Variants in RTL4 observed in about 807,000 individuals in gnomAD.
RTL4 encodes retrotransposon Gag-like protein 4.
In RTL4, 4 loss-of-function variants were observed where a neutral mutation model predicts 5.3. The observed-to-expected ratio is 0.75, with a 90% CI of 0.37 to 1.72. RTL4 has a LOEUF of 1.72. Among genes scored for constraint, RTL4 ranks in the 40% most tolerant of loss-of-function variants. The pLI is 0.04. For synonymous variants in RTL4, 98 were observed against 87.3 expected (o/e 1.12, Z -0.68); for missense variants, 260 against 227.1 (o/e 1.14, Z -0.93).
At chrX:112,390,145 ATATATATATATATATT>A in the RTL4 span, among the ~76,000 whole-genome samples, 4 of 45,938 alleles carry the variant, frequency 8.7e-5, no homozygotes, top group Admixed American at 2.8e-4. Flanking sequence ...ATATATATAT[ATATATATATATATATT>A]TAGGATCGTG....
chrX:112,421,649 C>CAA, the RTL4 span, among the ~76,000 whole-genome samples: 1 of 112,015 alleles, frequency 8.9e-6, no homozygotes, highest in African/African-American at 3.2e-5. Flanking sequence ...ACCTAACTAG[C>CAA]CTCCACAGTG....
At chrX:112,386,479 A>G in the RTL4 span, among the ~76,000 whole-genome samples, 1 of 110,317 alleles carries the variant, frequency 9.1e-6, no homozygotes, top group African/African-American at 3.3e-5. Flanking sequence ...ACTGAACCCA[A>G]TTTGTAGTCT....
chrX:112,445,989 GA>G, the RTL4 span, among the ~76,000 whole-genome samples: 1 of 111,611 alleles, frequency 9.0e-6, no homozygotes, highest in South Asian at 3.8e-4. Flanking sequence ...GTCAGACAAT[GA>G]AAAGGAAGAG....
the RTL4 span, among the ~76,000 whole-genome samples, chrX:112,380,123 T>C: frequency 9.2e-6 from 1 of 108,419 alleles, no homozygotes; most frequent in African/African-American, 3.4e-5. Context: ...AATAATGGAT[T>C]TGAGATTCAT....
chrX:112,208,497 T>C, the RTL4 span, among the ~76,000 whole-genome samples: 4 of 112,103 alleles, frequency 3.6e-5, no homozygotes, highest in Non-Finnish European at 7.5e-5. Context: ...GCTAAGATTG[T>C]TTCCAGGAAC....
chrX:112,113,756 G>A, the RTL4 span, among the ~76,000 whole-genome samples: 1 of 111,672 alleles, frequency 9.0e-6, no homozygotes, highest in Admixed American at 9.5e-5. Context: ...GTTTCTTGTT[G>A]GACAATCTTT....
the RTL4 span, among the ~76,000 whole-genome samples, chrX:112,406,517 T>C: frequency 6.8e-4 from 76 of 111,034 alleles, no homozygotes; most frequent in Middle Eastern, 4.7e-3. Flanking sequence ...AAACCATTCA[T>C]GAGAAACCAC....
At chrX:112,352,342 T>C in the RTL4 span, among the ~76,000 whole-genome samples, 1 of 110,342 alleles carries the variant, frequency 9.1e-6, no homozygotes, top group Non-Finnish European at 1.9e-5. Context: ...TTAATGTTCA[T>C]ATGGAACCAA....
chrX:112,277,356 G>T, the RTL4 span, among the ~76,000 whole-genome samples: 5 of 111,652 alleles, frequency 4.5e-5, no homozygotes, highest in African/African-American at 6.5e-5. Flanking sequence ...ATTGACCTTG[G>T]AGAGTTCATC....
the RTL4 span, among the ~76,000 whole-genome samples, chrX:112,221,299 A>G: frequency 3.6e-5 from 4 of 111,637 alleles, no homozygotes; most frequent in South Asian, 3.8e-4. Flanking sequence ...ACATGATCCA[A>G]TCATCTCTCA....
the RTL4 span, among the ~76,000 whole-genome samples, chrX:112,291,032 C>T: frequency 9.0e-6 from 1 of 111,352 alleles, no homozygotes; most frequent in Non-Finnish European, 1.9e-5. Context: ...TAGCGGATGG[C>T]AGGAGTTTGT....
the RTL4 span, among the ~76,000 whole-genome samples, chrX:112,239,694 C>A: frequency 9.0e-6 from 1 of 111,660 alleles, no homozygotes; most frequent in Non-Finnish European, 1.9e-5. Context: ...TCAGTAGGAA[C>A]AGAAAAGGAG....
At chrX:112,275,355 C>T in the RTL4 span, among the ~76,000 whole-genome samples, 1 of 111,019 alleles carries the variant, frequency 9.0e-6, no homozygotes, top group African/African-American at 3.3e-5. Flanking sequence ...GTTAGATTAG[C>T]TTTGGACTAG....
chrX:112,113,309 G>T, the RTL4 span, among the ~76,000 whole-genome samples: 6 of 110,958 alleles, frequency 5.4e-5, no homozygotes, highest in Admixed American at 4.8e-4. Context: ...CATTCATGTA[G>T]ATAATAGCTC....
At chrX:112,286,705 CTTT>C in the RTL4 span, among the ~76,000 whole-genome samples, 3 of 111,539 alleles carry the variant, frequency 2.7e-5, no homozygotes, top group African/African-American at 9.8e-5. Flanking sequence ...ATTCTTGACT[CTTT>C]TTTTAAAAAA....
chrX:112,420,972 A>G, the RTL4 span, among the ~76,000 whole-genome samples: 1 of 111,353 alleles, frequency 9.0e-6, no homozygotes, highest in Admixed American at 9.6e-5. Flanking sequence ...AAGTTCCACC[A>G]CTACTGTAAG....
At chrX:112,255,737 G>T in the RTL4 span, among the ~76,000 whole-genome samples, 1 of 111,718 alleles carries the variant, frequency 9.0e-6, no homozygotes, top group East Asian at 2.8e-4. Context: ...TTGCCTCAAC[G>T]TATTTGAAGA....
the RTL4 span, among the ~76,000 whole-genome samples, chrX:112,305,429 C>A: frequency 9.1e-6 from 1 of 109,301 alleles, no homozygotes; most frequent in African/African-American, 3.3e-5. Flanking sequence ...GTGGTGCCAT[C>A]TCGGCTCACT....
the RTL4 span, among the ~76,000 whole-genome samples, chrX:112,422,372 T>C: frequency 9.0e-6 from 1 of 111,350 alleles, no homozygotes; most frequent in African/African-American, 3.3e-5. Context: ...AGATTTGGCA[T>C]GTGAAATGAA....
Sources: gnomAD v4.1 joint callset for allele counts (sites outside exome capture counted in the v4.1 genomes callset) on GRCh38, gnomAD v4.1.1 for gene constraint, MANE v1.5 for transcripts, NCBI Gene and HGNC (gene_info 2026-07-23, HGNC 2026-07-21) for gene names.